Variants in LRRC37A2 observed in about 807,000 individuals in gnomAD.
The protein encoded by LRRC37A2 is leucine-rich repeat-containing protein 37A2.
A neutral mutation model predicts 68.8 loss-of-function variants in LRRC37A2; 9 were observed. That is an observed-to-expected ratio of 0.13 (90% CI 0.08 to 0.23). LRRC37A2 has a LOEUF of 0.23. Among genes scored for constraint, LRRC37A2 ranks in the 10% least tolerant of loss-of-function variants. LRRC37A2 has a pLI of 1.00. For synonymous variants in LRRC37A2, 63 were observed against 367.6 expected (o/e 0.17, Z 9.48); for missense variants, 168 against 950.4 (o/e 0.18, Z 10.82).
At chr17:46,977,587 C>A in the LRRC37A2 span, among the ~76,000 whole-genome samples, 4 of 152,220 alleles carry the variant, frequency 2.6e-5, no homozygotes, top group Admixed American at 6.5e-5. Flanking sequence ...GGCTCCAAGT[C>A]CCCTGCAGGC....
chr17:46,923,144 G>A, the LRRC37A2 span: 3 of 1,250,650 alleles, frequency 2.4e-6, no homozygotes, highest in Non-Finnish European at 3.4e-6. Flanking sequence ...CTGTGAGGAC[G>A]TGTTCCGAGG....
At chr17:47,008,634 T>G in the LRRC37A2 span, among the ~76,000 whole-genome samples, 1 of 151,574 alleles carries the variant, frequency 6.6e-6, no homozygotes, top group Non-Finnish European at 1.5e-5. Flanking sequence ...TTTTTTTTTT[T>G]GTTTTGTTTT....
the LRRC37A2 span, among the ~76,000 whole-genome samples, chr17:47,026,731 T>C: frequency 6.6e-5 from 10 of 152,260 alleles, no homozygotes; most frequent in Non-Finnish European, 1.5e-4. Context: ...AATGAATTTC[T>C]ATTAATATGA....
chr17:46,720,632 A>G, the LRRC37A2 span, among the ~76,000 whole-genome samples: 1 of 152,222 alleles, frequency 6.6e-6, no homozygotes, highest in African/African-American at 2.4e-5. Flanking sequence ...TTACGTTTTT[A>G]TATGCTACCA....
the LRRC37A2 span, chr17:46,762,889 G>T: frequency 6.6e-6 from 1 of 152,176 alleles, no homozygotes; most frequent in East Asian, 1.9e-4. Flanking sequence ...GATATGAAAA[G>T]ATTGTTTTGA....
chr17:46,713,703 G>A, the LRRC37A2 span: 1 of 682,572 alleles, frequency 1.5e-6, no homozygotes. Flanking sequence ...ATAAATAAGA[G>A]AAAACATGTC....
chr17:46,943,113 T>C, the LRRC37A2 span, among the ~76,000 whole-genome samples: 1 of 152,194 alleles, frequency 6.6e-6, no homozygotes, highest in Non-Finnish European at 1.5e-5. Flanking sequence ...AGGGAGCCGA[T>C]GGCTCTAATA....
chr17:46,679,075 T>C, the LRRC37A2 span, among the ~76,000 whole-genome samples: 3 of 152,130 alleles, frequency 2.0e-5, no homozygotes, highest in East Asian at 5.8e-4. Context: ...TTACCTAAAG[T>C]ATAGTGTTTA....
chr17:46,494,190 A>G, the LRRC37A2 span, among the ~76,000 whole-genome samples: 1 of 151,078 alleles, frequency 6.6e-6, no homozygotes. Flanking sequence ...TATTTTGGAT[A>G]TAAGTGCTTT....
the LRRC37A2 span, among the ~76,000 whole-genome samples, chr17:46,953,992 T>C: frequency 6.6e-6 from 1 of 152,248 alleles, no homozygotes; most frequent in South Asian, 2.1e-4. Flanking sequence ...GGTTGCCTGT[T>C]CACGCTGATG....
the LRRC37A2 span, chr17:46,923,246 A>AG: frequency 6.4e-7 from 1 of 1,550,992 alleles, no homozygotes; most frequent in African/African-American, 1.4e-5. Flanking sequence ...GGGAGCGGGC[A>AG]GGGGCTAGAC....
chr17:46,721,419 CT>C, the LRRC37A2 span, among the ~76,000 whole-genome samples: 1 of 152,082 alleles, frequency 6.6e-6, no homozygotes, highest in Non-Finnish European at 1.5e-5. Context: ...CCTGTTTTTT[CT>C]TTAGCCTTCT....
chr17:46,830,622 T>C, the LRRC37A2 span: 2 of 398,662 alleles, frequency 5.0e-6, no homozygotes, highest in Non-Finnish European at 8.8e-6. Flanking sequence ...TATTTTCTTT[T>C]TTCTCCAGAA....
chr17:46,949,586 C>T, the LRRC37A2 span, among the ~76,000 whole-genome samples: 1 of 152,248 alleles, frequency 6.6e-6, no homozygotes, highest in South Asian at 2.1e-4. Flanking sequence ...TGCCACACTC[C>T]CCTTGAATGA....
At chr17:47,027,529 G>C in the LRRC37A2 span, 2 of 1,055,622 alleles carry the variant, frequency 1.9e-6, no homozygotes, top group Non-Finnish European at 2.9e-6. Flanking sequence ...AACTAATCAA[G>C]GCAATATTTT....
the LRRC37A2 span, among the ~76,000 whole-genome samples, chr17:46,806,146 C>A: frequency 6.6e-6 from 1 of 152,146 alleles, no homozygotes; most frequent in South Asian, 2.1e-4. Context: ...GAGCTCCTTA[C>A]AGCTCCTGGT....
the LRRC37A2 span, among the ~76,000 whole-genome samples, chr17:46,900,158 TATAC>T: frequency 0.022 from 1,359 of 62,428 alleles, 10 homozygotes; most frequent in African/African-American, 0.072. Flanking sequence ...TTTCTATATA[TATAC>T]ATATACATAT....
the LRRC37A2 span, among the ~76,000 whole-genome samples, chr17:46,392,295 T>G: frequency 1.4e-5 from 1 of 69,884 alleles, no homozygotes; most frequent in Non-Finnish European, 3.4e-5. Context: ...CACTGTAGCC[T>G]TGACCTCCTG....
chr17:46,932,243 C>T, the LRRC37A2 span: 4 of 1,611,240 alleles, frequency 2.5e-6, no homozygotes, highest in South Asian at 2.2e-5. Flanking sequence ...CTTGACAGAT[C>T]GTGGGGGCTG....
Sources: allele counts gnomAD v4.1 joint callset (sites outside exome capture counted in the v4.1 genomes callset), GRCh38; gene constraint gnomAD v4.1.1; transcripts MANE v1.5; gene names NCBI Gene and HGNC (gene_info 2026-07-23, HGNC 2026-07-21).